The following NBN variants were observed in gnomAD, a reference collection of about 807,000 sequenced individuals.
NBN encodes nibrin, also known as Nijmegen breakage syndrome 1 (nibrin).
A neutral mutation model predicts 90.8 loss-of-function variants in NBN; 88 were observed. The ratio of observed to expected loss-of-function variants is 0.97; its 90% CI spans 0.82 to 1.16. NBN has a LOEUF of 1.16. Among genes scored for constraint, NBN ranks in the 50% most tolerant of loss-of-function variants. The pLI is 0.00. For missense variants in NBN, 894 were observed against 869.6 expected, an observed-to-expected ratio of 1.03 and a Z score of -0.35; for synonymous variants, 328 against 295.1, an observed-to-expected ratio of 1.11 and a Z score of -1.14.
intron 7 of NBN, among the ~76,000 whole-genome samples, chr8:89,967,097 G>C (rs185651801): frequency 1.3e-5 from 2 of 152,316 alleles, no homozygotes; most frequent in African/African-American, 4.8e-5. Flanking sequence ...CAGGGCCGCT[G>C]TCTGTGTGGA....
intron 4 of NBN, among the ~76,000 whole-genome samples, chr8:89,978,705 T>A (rs1811893495): frequency 6.6e-6 from 1 of 152,212 alleles, no homozygotes; most frequent in African/African-American, 2.4e-5. Context: ...CATATCTGCT[T>A]CAGGGAAGAC....
rs1057516772 is a variant in NBN at position 89,982,718 on chromosome 8, ATACCAGGTTGGT to A, written c.163_171+3del. 1 of 1,612,104 alleles carries A rather than the reference ATACCAGGTTGGT, an allele frequency of 6.2e-7. No homozygotes were observed. ...AAACTAGTGAAATAAAATTAGTAAC[ATACCAGGTTGGT>A]TACAGAAAAGTTAGCAGTTAACACA... On this transcript the variant is annotated splice_donor_variant and splice_donor_region_variant and coding_sequence_variant and intron_variant, in exon 2 of 16. Coordinates refer to ENST00000265433, the MANE Select transcript of NBN (RefSeq NM_002485.5). LOFTEE classifies it high-confidence loss of function.
rs13312851 is a variant in NBN at position 89,983,556 on chromosome 8, C to T, written c.38-701G>A. ...CATGAGTAAACAACACAGACCAATG[C>T]AACAAAGTCCAGACTAAGATGCACG... On this transcript the variant is annotated intron_variant, in intron 1 of 15. Transcript: ENST00000265433. Among the ~76,000 whole-genome samples the T allele has an allele frequency of 2.4e-3, 363 of 152,198 alleles. 2 individuals carry two copies. The highest frequency in any genetic ancestry group is 8.3e-3 in the African/African-American group (345 of 41,508).
chr8:89,950,871 G>C (rs1016478584), intron 11 of NBN, among the ~76,000 whole-genome samples: 1 of 152,128 alleles, frequency 6.6e-6, no homozygotes, highest in Non-Finnish European at 1.5e-5. Flanking sequence ...AGCCCTGGGA[G>C]AATGTGCAGT....
chr8:89,960,891 C>T (rs1810963539), intron 8 of NBN, among the ~76,000 whole-genome samples: 1 of 152,152 alleles, frequency 6.6e-6, no homozygotes, highest in Admixed American at 6.5e-5. Flanking sequence ...GAGACTCATT[C>T]ACTCTGTTCC....
intron 7 of NBN, among the ~76,000 whole-genome samples, chr8:89,969,516 G>T (rs1811406922): frequency 6.6e-6 from 1 of 151,968 alleles, no homozygotes; most frequent in South Asian, 2.1e-4. Context: ...AATTTACAGA[G>T]GTAAATTCTA....
At position 89,946,401 on chromosome 8, in the gene NBN, A is replaced by G. The variant is rs1475707739; in HGVS notation, c.1915-106T>C. 4 of 971,352 alleles carry G rather than the reference A, an allele frequency of 4.1e-6. No homozygotes were observed. The East Asian group carries it at 9.6e-5, about 23-fold the overall frequency. 60.2% of individuals were successfully genotyped at this position (971,352 alleles called of 1,614,324 possible). A position where few individuals can be genotyped will look rare whatever the true frequency, so the allele number is the denominator to read the frequency against. ...AAAAAGTTCAAATACCTGAAAAAAT[A>G]GTAAAAATGTTTTATTTCTTGTACC... On this transcript the variant is annotated intron_variant, in intron 12 of 15. Coordinates refer to ENST00000265433, the MANE Select transcript of NBN (RefSeq NM_002485.5).
chr8:89,976,555 A>T (rs565686645), intron 5 of NBN, among the ~76,000 whole-genome samples: 2 of 152,314 alleles, frequency 1.3e-5, no homozygotes, highest in South Asian at 4.1e-4. Flanking sequence ...TGTTGACTCA[A>T]AGCCTTTGCC....
chr8:89,984,615 T>A lies in NBN; in HGVS notation c.-54A>T. 6.2e-7 allele frequency: 1 copy of A among 1,605,124 alleles called. No homozygotes were observed. The highest frequency in any genetic ancestry group is 8.5e-7 in the Non-Finnish European group (1 of 1,175,998). ...CGTGCAACCGCGTAACCGGGGCTGC[T>A]AGACGAGCGCGGATACGGCGCCTGC... On this transcript the variant is annotated 5_prime_UTR_variant, in exon 1 of 16. The change abolishes the stop of an existing upstream ORF in the 5' untranslated region. Transcript: ENST00000265433.
intron 8 of NBN, among the ~76,000 whole-genome samples, chr8:89,962,237 A>C (rs1811023582): frequency 6.6e-6 from 1 of 152,214 alleles, no homozygotes; most frequent in Non-Finnish European, 1.5e-5. Context: ...GTTTGTATTC[A>C]GAATTGTTTC....
intron 9 of NBN, among the ~76,000 whole-genome samples, chr8:89,957,645 T>C (rs1168470699): frequency 1.3e-5 from 2 of 152,196 alleles, no homozygotes; most frequent in Admixed American, 6.6e-5. Flanking sequence ...AAGTGTCTTA[T>C]ACAGGTATAC....
chr8:89,971,099 T>G, intron 6 of NBN, 74 bp downstream of exon 6: 1 of 1,477,062 alleles, frequency 6.8e-7, no homozygotes, highest in Non-Finnish European at 9.3e-7. Flanking sequence ...CGTTAACAAC[T>G]ACTGATAAGA....
rs2129659855 is a variant in NBN, at chr8:89,947,843, C to T, written c.1895G>A (p.Trp632Ter). The T allele has an allele frequency of 1.3e-6, 2 of 1,581,390 alleles. No individual in the cohort carries two copies. The highest frequency in any genetic ancestry group is 1.7e-6 in the Non-Finnish European group (2 of 1,154,858). The part of the protein sequence containing the change: ...KKRELKEDSL[W>*]SAKEISNNDK... ...TCTCACAGATATTTCTTTAGCTGAC[C>T]ATAGTGAGTCTTCCTTGAGTTCACG... The change falls in exon 12 of 16, where the codon TGG becomes TAG. Residue 632 changes from tryptophan (W) to a stop codon, truncating the protein, a stop_gained. Coordinates refer to ENST00000265433, the MANE Select transcript of NBN (RefSeq NM_002485.5). LOFTEE classifies it high-confidence loss of function.
At chr8:89,959,194 G>A (rs931650676) in intron 8 of NBN, among the ~76,000 whole-genome samples, 8 of 152,178 alleles carry the variant, frequency 5.3e-5, no homozygotes, top group Admixed American at 4.6e-4. Context: ...CCCACAGAAA[G>A]TGTATACACC....
At chr8:89,955,709 G>T in intron 9 of NBN, 154 bp from the exon 10 acceptor site, 1 of 402,814 alleles carries the variant, frequency 2.5e-6, no homozygotes, top group Non-Finnish European at 3.4e-6. Flanking sequence ...TCCCAAGAAA[G>T]CAACTCCTTT....
At chr8:89,965,127 T>TA (rs1811188426) in intron 7 of NBN, among the ~76,000 whole-genome samples, 2 of 150,820 alleles carry the variant, frequency 1.3e-5, no homozygotes, top group African/African-American at 2.4e-5. Context: ...AAAAAAAAAT[T>TA]AAAAAAAATC....
chr8:89,962,987 CCT>C (rs1811065435), intron 8 of NBN, among the ~76,000 whole-genome samples: 1 of 152,058 alleles, frequency 6.6e-6, no homozygotes, highest in Admixed American at 6.6e-5. Context: ...CAGCTAATTT[CCT>C]CTCTGTCCGT....
intron 6 of NBN, 83 bp downstream of exon 6, chr8:89,971,090 G>A (rs1447529402): frequency 1.4e-5 from 20 of 1,433,536 alleles, no homozygotes; most frequent in South Asian, 2.4e-5. Context: ...AATGAAATAC[G>A]TTAACAACTA....
At chr8:89,958,571 C>A (rs554755410) in intron 9 of NBN, among the ~76,000 whole-genome samples, 154 bp downstream of exon 9, 46 of 152,330 alleles carry the variant, frequency 3.0e-4, no homozygotes, top group African/African-American at 1.1e-3. Context: ...AGAAAACCTG[C>A]TGACCCTTGT....
Sources: allele counts gnomAD v4.1 joint callset (sites outside exome capture counted in the v4.1 genomes callset), GRCh38; gene constraint gnomAD v4.1.1; transcripts MANE v1.5; gene names NCBI Gene and HGNC (gene_info 2026-07-23, HGNC 2026-07-21).